The following KIF13A variants were observed in gnomAD, a reference collection of about 807,000 sequenced individuals.
KIF13A encodes kinesin-like protein KIF13A.
In KIF13A, 79 loss-of-function variants were observed where a neutral mutation model predicts 212.2. The ratio of observed to expected loss-of-function variants is 0.37; its 90% CI spans 0.31 to 0.45. The LOEUF (loss-of-function observed/expected upper bound fraction) is 0.45, where lower values mean the gene tolerates loss of function less well. Ranked by LOEUF, KIF13A falls within the 20% of genes least tolerant of loss-of-function variation. KIF13A has a pLI of 1.00. For synonymous variants in KIF13A, 789 were observed against 808.6 expected (o/e 0.98, Z 0.41); for missense variants, 1,901 against 2,209.0 (o/e 0.86, Z 2.79).
chr6:17,836,581 T>C (rs1581470888), intron 11 of KIF13A, among the ~76,000 whole-genome samples: 1 of 152,152 alleles, frequency 6.6e-6, no homozygotes. Context: ...TATAAAGAAA[T>C]ACCTGAGATT....
chr6:17,889,548 A>G (rs1771853106), intron 3 of KIF13A, among the ~76,000 whole-genome samples: 1 of 152,228 alleles, frequency 6.6e-6, no homozygotes, highest in Non-Finnish European at 1.5e-5. Context: ...AGTTATTTAT[A>G]TGTTTTCCCT....
At position 17,800,075 on chromosome 6, in the gene KIF13A, T is replaced by C. The variant is rs1402700525; in HGVS notation, c.2493A>G (p.Thr831=). The change falls in exon 21 of 39, where the codon ACA becomes ACG. Residue 831 remains threonine (T), a synonymous_variant. Transcript: ENST00000259711. ...GRLHVEVMRV[T]GAVPERVVED... Reference sequence around the variant, plus strand: ...CCACCACACGCTCTGGAACAGCTCCTGTAACACGCATCACTTCCACGTGGA... The same window carrying C: ...CCACCACACGCTCTGGAACAGCTCCCGTAACACGCATCACTTCCACGTGGA... The C allele has an allele frequency of 1.1e-5, 17 of 1,613,944 alleles. No homozygotes were observed. The highest frequency in any genetic ancestry group is 1.4e-5 in the Non-Finnish European group (17 of 1,179,882).
In KIF13A at chr6:17,926,970, T is replaced by A. The variant is rs998372180; in HGVS notation, c.147-28790A>T. Among the ~76,000 whole-genome samples, 2 of 151,984 alleles carry A rather than the reference T, an allele frequency of 1.3e-5. No individual in the cohort carries two copies. Among genetic ancestry groups the A allele is most frequent in the Non-Finnish European group, 2.9e-5 (2 of 68,012 alleles). On this transcript the variant is annotated intron_variant, in intron 2 of 38. Transcript: ENST00000259711. The surrounding 1 kb of genome is among the most constrained non-coding windows in gnomAD (Gnocchi z 4.3). ...TGCGCCAACATGGTGAAACCTCATC[T>A]CTACTAAAAATACAAAAATTAGCCA...
chr6:17,842,005 G>A (rs796215372), intron 9 of KIF13A, among the ~76,000 whole-genome samples: 4,997 of 79,622 alleles, frequency 0.063, 196 homozygotes, highest in African/African-American at 0.17. Context: ...ACATACGTGT[G>A]TGTGTGTGTG....
Position 17,889,911 on chromosome 6 carries a change from G to A in KIF13A, c.159+8257C>T, listed in dbSNP as rs552221467. On this transcript the variant is annotated intron_variant, in intron 3 of 38. Transcript: ENST00000259711. ...GCTCACTCTAGCACTTTGGGAGGCC[G>A]AGGCAGGCAGATCACCCGAGGTCGA... 3.0e-3 allele frequency among the ~76,000 whole-genome samples: 464 copies of A among 152,278 alleles called. 3 individuals are homozygous for A. The highest frequency in any genetic ancestry group is 0.011 in the African/African-American group (441 of 41,570).
chr6:17,925,928 T>C (rs1561769238), intron 2 of KIF13A, among the ~76,000 whole-genome samples: 1 of 152,148 alleles, frequency 6.6e-6, no homozygotes, highest in African/African-American at 2.4e-5. Context: ...TAGTTAGCAG[T>C]ATAAATAGCT....
At chr6:17,873,470 A>T in intron 3 of KIF13A, 33 bp from the exon 4 acceptor site, 5 of 1,388,952 alleles carry the variant, frequency 3.6e-6, no homozygotes, top group South Asian at 1.2e-5. Flanking sequence ...AAACTTAAAG[A>T]TTAATTAACT....
At position 17,873,386 on chromosome 6, in the gene KIF13A, T is replaced by C; in HGVS notation, c.211A>G (p.Lys71Glu). 1 of 1,596,354 alleles carries C rather than the reference T, an allele frequency of 6.3e-7. No individual in the cohort carries two copies. Among genetic ancestry groups the C allele is most frequent in the South Asian group, 1.1e-5 (1 of 87,816 alleles). ...FWSMDESNTT[K>E]YAGQEVVFKC... Reference sequence around the variant, plus strand: ...GAGGGAGAAAACTTACCAGCGTATTTTGTAGTGTTAGATTCATCCATGGAC... The same window carrying C: ...GAGGGAGAAAACTTACCAGCGTATTCTGTAGTGTTAGATTCATCCATGGAC... The change falls in exon 4 of 39, where the codon AAA becomes GAA. Residue 71 changes from lysine to glutamate, a missense_variant. Transcript: ENST00000259711.
Position 17,764,629 on chromosome 6 carries a change from G to C in KIF13A, c.4899C>G (p.Thr1633=). 1 of 1,613,374 alleles carries C rather than the reference G, an allele frequency of 6.2e-7. No individual in the cohort carries two copies. Among genetic ancestry groups the C allele is most frequent in the Non-Finnish European group, 8.5e-7 (1 of 1,179,708 alleles). Residue 1633 remains threonine (T), a synonymous_variant, in exon 39 of 39, where the codon ACC becomes ACG. Transcript: ENST00000259711. The surrounding 1 kb of genome is among the most constrained non-coding windows in gnomAD (Gnocchi z 5.1). ...LAIQTKDADS[T]EHSTPSLVHD... ...GCACAAGCGATGGTGTGGAGTGCTC[G>C]GTGGAGTCTGCATCCTTCGTCTGAA...
chr6:17,800,593 C>G lies in KIF13A; in HGVS notation c.2455-480G>C, dbSNP rs1006147383. Among the ~76,000 whole-genome samples, 4 of 132,924 alleles carry G rather than the reference C, an allele frequency of 3.0e-5. 1 individual carries two copies. The highest frequency in any genetic ancestry group is 6.4e-5 in the Non-Finnish European group (4 of 62,404). The allele number at this position is 132,924 out of a possible 152,430, so 87.2% of individuals were successfully genotyped here. On this transcript the variant is annotated intron_variant, in intron 20 of 38. Coordinates refer to ENST00000259711, the MANE Select transcript of KIF13A (RefSeq NM_022113.6). ...TTGGGATTACAGGTGCGTGCTACCACGCCCAGCTAATTTTTTTTTTTTTTT... is the reference window on the plus strand; with the variant it reads ...TTGGGATTACAGGTGCGTGCTACCAGGCCCAGCTAATTTTTTTTTTTTTTT...
In KIF13A at chr6:17,809,340, A is replaced by T. The variant is rs1387334005; in HGVS notation, c.2001-410T>A. Among the ~76,000 whole-genome samples, 1 of 152,180 alleles carries T rather than the reference A, an allele frequency of 6.6e-6. No individual in the cohort carries two copies. Among genetic ancestry groups the T allele is most frequent in the Non-Finnish European group, 1.5e-5 (1 of 68,042 alleles). ...TTAGGAGAAGAAATTATTTTTCATG[A>T]CTTCTGCAGTTGGCAAAAGGCATGC... On this transcript the variant is annotated intron_variant, in intron 17 of 38. Coordinates refer to ENST00000259711, the MANE Select transcript of KIF13A (RefSeq NM_022113.6). The surrounding 1 kb of genome is among the most constrained non-coding windows in gnomAD (Gnocchi z 4.7).
intron 38 of KIF13A, chr6:17,770,532 G>A (rs1295323777): frequency 6.6e-6 from 1 of 152,080 alleles, no homozygotes; most frequent in African/African-American, 2.4e-5. Flanking sequence ...ATATATATAA[G>A]CCATCCTGAA....
Position 17,805,553 on chromosome 6 carries a change from C to T in KIF13A, c.2226G>A (p.Val742=). ...TATTCTCCAGCTTCTCAATGGTCCA[C>T]ACTTGGGTGCTCTTTCCTTTCCTCC... The part of the protein sequence containing the change: ...QVRRKGKSTQ[V]WTIEKLENKL... Residue 742 remains valine, a synonymous_variant, in exon 19 of 39, where the codon GTG becomes GTA. Transcript: ENST00000259711. 2 of 1,613,674 alleles carry T rather than the reference C, an allele frequency of 1.2e-6. No individual in the cohort carries two copies. The highest frequency in any genetic ancestry group is 1.7e-5 in the Admixed American group (1 of 60,012).
intron 9 of KIF13A, among the ~76,000 whole-genome samples, chr6:17,848,632 C>T (rs1275035107): frequency 7.7e-6 from 1 of 130,432 alleles, no homozygotes; most frequent in Non-Finnish European, 1.5e-5. Flanking sequence ...GGGGAGCAAT[C>T]TCGGCTCACT....
rs948214877 is a variant in KIF13A, at chr6:17,915,944, A to AT, written c.147-17765_147-17764insA. On this transcript the variant is annotated intron_variant, in intron 2 of 38. Coordinates refer to ENST00000259711, the MANE Select transcript of KIF13A (RefSeq NM_022113.6). The surrounding 1 kb of genome is among the most constrained non-coding windows in gnomAD (Gnocchi z 4.4). ...TGACAGAGAGCCAGTCTCAAAAAAA[A>AT]AAATAAAAATAAAAATAAAATAAAA... is the stretch of plus-strand genomic sequence containing the variant. 5.3e-5 allele frequency among the ~76,000 whole-genome samples: 7 copies of AT among 131,624 alleles called. No individual in the cohort carries two copies. Among genetic ancestry groups the AT allele is most frequent in the African/African-American group, 2.0e-4 (7 of 34,286 alleles). 86.4% of individuals were successfully genotyped at this position (131,624 alleles called of 152,430 possible). A position where few individuals can be genotyped will look rare whatever the true frequency, so the allele number is the denominator to read the frequency against.
chr6:17,792,219 C>G (rs1375793036), intron 25 of KIF13A, among the ~76,000 whole-genome samples: 1 of 91,166 alleles, frequency 1.1e-5, no homozygotes, highest in South Asian at 3.9e-4. Context: ...AAAAAAAAAG[C>G]AGCAAATAGT....
rs1778996113 is a variant in KIF13A at position 17,963,209 on chromosome 6, G to T, written c.146+23845C>A. Among the ~76,000 whole-genome samples, 1 of 152,166 alleles carries T rather than the reference G, an allele frequency of 6.6e-6. No homozygotes were observed. Among genetic ancestry groups the T allele is most frequent in the African/African-American group, 2.4e-5 (1 of 41,442 alleles). On this transcript the variant is annotated intron_variant, in intron 2 of 38. Transcript: ENST00000259711. The surrounding 1 kb of genome is among the most constrained non-coding windows in gnomAD (Gnocchi z 4.1). ...GAGGTGGGCGGATCACCTGAGGTGG[G>T]GAGTTCAAGACCAGCCTGGCCAACA...
At position 17,883,461 on chromosome 6, in the gene KIF13A, G is replaced by A. The variant is rs1206806666; in HGVS notation, c.160-10024C>T. ...TGTGACATCTGCTTAAAATAGCACA[G>A]ATCAGTCAGTGTAAATCCTTCAGTG... On this transcript the variant is annotated intron_variant, in intron 3 of 38. Coordinates refer to ENST00000259711, the MANE Select transcript of KIF13A (RefSeq NM_022113.6). The surrounding 1 kb of genome is among the most constrained non-coding windows in gnomAD (Gnocchi z 4.8). Among the ~76,000 whole-genome samples, 1 of 152,186 alleles carries A rather than the reference G, an allele frequency of 6.6e-6. No individual in the cohort carries two copies. Among genetic ancestry groups the A allele is most frequent in the South Asian group, 2.1e-4 (1 of 4,832 alleles).
rs1049870778 is a variant in KIF13A at position 17,926,158 on chromosome 6, T to A, written c.147-27978A>T. Reference sequence around the variant, plus strand: ...GAAAAGAAATGCATTGCTTATCTTGTATTAATATATAGAGTGACCAACATT... The same window carrying A: ...GAAAAGAAATGCATTGCTTATCTTGAATTAATATATAGAGTGACCAACATT... On this transcript the variant is annotated intron_variant, in intron 2 of 38. Coordinates refer to ENST00000259711, the MANE Select transcript of KIF13A (RefSeq NM_022113.6). The surrounding 1 kb of genome is among the most constrained non-coding windows in gnomAD (Gnocchi z 4.3). Among the ~76,000 whole-genome samples the A allele has an allele frequency of 6.6e-6, 1 of 152,206 alleles. No individual in the cohort carries two copies. The highest frequency in any genetic ancestry group is 2.4e-5 in the African/African-American group (1 of 41,428).
Sources: allele counts gnomAD v4.1 joint callset (sites outside exome capture counted in the v4.1 genomes callset), GRCh38; gene constraint gnomAD v4.1.1; non-coding constraint Gnocchi (gnomAD v3.1); transcripts MANE v1.5; gene names NCBI Gene and HGNC (gene_info 2026-07-23, HGNC 2026-07-21).